The following CEP83 variants were observed in gnomAD, a reference collection of about 807,000 sequenced individuals.
CEP83 encodes the protein centrosomal protein 83.
CEP83 carries 70 observed loss-of-function variants against 101.9 expected under a neutral mutation model. The observed-to-expected ratio is 0.69, with a 90% CI of 0.57 to 0.84. The LOEUF is 0.84. Ranked by LOEUF, CEP83 falls within the 40% of genes least tolerant of loss-of-function variation. The pLI is 0.00. For missense variants in CEP83, 715 were observed against 787.2 expected, an observed-to-expected ratio of 0.91 and a Z score of 1.10; for synonymous variants, 264 against 267.9, an observed-to-expected ratio of 0.99 and a Z score of 0.14.
downstream of CEP83, chr12:94,304,113 A>AT (rs1776076788): frequency 9.4e-7 from 1 of 1,069,448 alleles, no homozygotes; most frequent in Non-Finnish European, 1.4e-6. Context: ...TGGTTATAGC[A>AT]TTCTGTCAGT....
intron 3 of CEP83, 58 bp downstream of exon 3, chr12:94,412,260 A>G (rs2137793829): frequency 7.3e-7 from 1 of 1,375,124 alleles, no homozygotes; most frequent in Non-Finnish European, 9.9e-7. Flanking sequence ...ACATTCAGCC[A>G]AGATAATGCC....
chr12:94,424,407 A>G (rs995028684), intron 2 of CEP83: 9 of 1,613,770 alleles, frequency 5.6e-6, no homozygotes, highest in Non-Finnish European at 7.6e-6. Context: ...ATGGCTTCAC[A>G]CTTCTCTGTG....
intron 14 of CEP83, among the ~76,000 whole-genome samples, chr12:94,313,604 C>T (rs557969282): frequency 2.6e-5 from 4 of 150,970 alleles, no homozygotes; most frequent in East Asian, 2.0e-4. Context: ...TTTGGGAGGC[C>T]GAGGCGGACA....
downstream of CEP83, chr12:94,306,916 ATCAGAATAAAGGTGAGAGG>A (rs1565880590): frequency 2.0e-5 from 3 of 152,176 alleles, no homozygotes; most frequent in Admixed American, 2.0e-4. Flanking sequence ...TAGATGACAG[ATCAGAATAAAGGTGAGAGG>A]TCTGGTCCCC....
chr12:94,363,947 C>CA (rs376859752), intron 11 of CEP83, among the ~76,000 whole-genome samples: 5,489 of 58,882 alleles, frequency 0.093, 156 homozygotes, highest in East Asian at 0.2. Context: ...GACGCTGTCT[C>CA]AAAAAAAAAA....
rs1411679822 is a variant in CEP83 at position 94,368,206 on chromosome 12, T to C, written c.1049-5A>G. On this transcript the variant is annotated splice_polypyrimidine_tract_variant and splice_region_variant and intron_variant, in intron 9 of 16. Transcript: ENST00000397809. ...TTTCATTGTCTGACTGTAATCCTAG[T>C]GTTTTTCAAGGAGAAAAGTGTACTA... The C allele has an allele frequency of 6.2e-7, 1 of 1,606,468 alleles. No individual in the cohort carries two copies.
At chr12:94,409,053 T>C (rs150374311) in intron 4 of CEP83, among the ~76,000 whole-genome samples, 17 of 152,018 alleles carry the variant, frequency 1.1e-4, no homozygotes, top group Admixed American at 1.1e-3. Context: ...AGCATTTTTG[T>C]AGGCAGACTA....
intron 8 of CEP83, among the ~76,000 whole-genome samples, chr12:94,373,695 T>G (rs1032101592): frequency 1.3e-5 from 2 of 152,236 alleles, no homozygotes; most frequent in Admixed American, 6.5e-5. Flanking sequence ...AGGCCATCTT[T>G]GGTAATACCT....
chr12:94,274,325 CCTGT>C, the CEP83 span, among the ~76,000 whole-genome samples: 2 of 151,866 alleles, frequency 1.3e-5, no homozygotes, highest in African/African-American at 4.8e-5. Flanking sequence ...AGAGTGAGAC[CCTGT>C]CTATTAAAAA....
chr12:94,305,088 C>T (rs1565878575), downstream of CEP83: 1 of 729,514 alleles, frequency 1.4e-6, no homozygotes, highest in Admixed American at 2.5e-5. Context: ...CTGTTTCATA[C>T]AGATTTTACC....
the CEP83 span, among the ~76,000 whole-genome samples, chr12:94,272,674 G>A: frequency 1.3e-5 from 2 of 152,228 alleles, no homozygotes; most frequent in African/African-American, 2.4e-5. Context: ...GGAGGCCAAG[G>A]TGGGAGGATC....
At chr12:94,316,862 T>C (rs1970783011) in intron 14 of CEP83, among the ~76,000 whole-genome samples, 1 of 152,166 alleles carries the variant, frequency 6.6e-6, no homozygotes, top group African/African-American at 2.4e-5. Flanking sequence ...GTCTTTGCTA[T>C]TGTGAATAGT....
At chr12:94,424,900 T>G (rs2065065468) in intron 2 of CEP83, 14 of 1,600,226 alleles carry the variant, frequency 8.7e-6, no homozygotes, top group Admixed American at 1.7e-5. Context: ...ATGACACATA[T>G]GGCTTCTTGT....
intron 15 of CEP83, among the ~76,000 whole-genome samples, chr12:94,312,160 C>T (rs184995573): frequency 4.6e-5 from 7 of 152,206 alleles, no homozygotes; most frequent in East Asian, 1.9e-4. Context: ...AAACTAAAGG[C>T]GGCCTCCTAC....
chr12:94,415,803 AT>A (rs776514419), intron 2 of CEP83, among the ~76,000 whole-genome samples: 3 of 152,208 alleles, frequency 2.0e-5, no homozygotes, highest in South Asian at 4.1e-4. Flanking sequence ...ATTTAAAAAA[AT>A]AATCAGTAAG....
At chr12:94,375,361 G>T (rs1281436781) in intron 8 of CEP83, among the ~76,000 whole-genome samples, 2 of 152,174 alleles carry the variant, frequency 1.3e-5, no homozygotes, top group Non-Finnish European at 2.9e-5. Flanking sequence ...GCCAAACTCA[G>T]ACAAGTGCAG....
At chr12:94,379,065 C>A in intron 6 of CEP83, 23 bp from the exon 7 acceptor site, 1 of 1,549,304 alleles carries the variant, frequency 6.5e-7, no homozygotes. Context: ...TTAAAGAAAG[C>A]ATACAAGGTT....
At chr12:94,387,011 G>T (rs2062187943) in intron 6 of CEP83, among the ~76,000 whole-genome samples, 1 of 152,170 alleles carries the variant, frequency 6.6e-6, no homozygotes. Context: ...AATGGGGAAA[G>T]GACTCCCTAT....
chr12:94,453,759 C>G (rs1438886181), intron 1 of CEP83, among the ~76,000 whole-genome samples: 1 of 152,002 alleles, frequency 6.6e-6, no homozygotes, highest in Non-Finnish European at 1.5e-5. Context: ...AGTGACTCAC[C>G]CAGTCAAGCC....
Sources: gnomAD v4.1 joint callset for allele counts (sites outside exome capture counted in the v4.1 genomes callset) on GRCh38, gnomAD v4.1.1 for gene constraint, MANE v1.5 for transcripts, NCBI Gene and HGNC (gene_info 2026-07-23, HGNC 2026-07-21) for gene names.